The following SSBP4 variants were observed in gnomAD, a reference collection of about 807,000 sequenced individuals.
SSBP4 encodes single-stranded DNA-binding protein 4.
Under a neutral mutation model 64.6 loss-of-function variants are expected in SSBP4, and 33 were observed. That is an observed-to-expected ratio of 0.51 (90% CI 0.39 to 0.68). The LOEUF (loss-of-function observed/expected upper bound fraction) is 0.68, where lower values mean the gene tolerates loss of function less well. SSBP4 is among the 30% of genes least tolerant of loss of function. The pLI is 0.00. For missense variants in SSBP4, 583 were observed against 566.8 expected (o/e 1.03, Z -0.29); for synonymous variants, 243 against 224.0 (o/e 1.08, Z -0.76).
chr19:18,418,267 G>C (rs1442095946), upstream of SSBP4, among the ~76,000 whole-genome samples: 1 of 152,184 alleles, frequency 6.6e-6, no homozygotes. The surrounding 1 kb of genome is among the most constrained non-coding windows in gnomAD (Gnocchi z 6.7). Context: ...GAAAAAAGAG[G>C]AATAGCCGTG....
the SSBP4 span, among the ~76,000 whole-genome samples, chr19:18,406,688 G>A: frequency 5.3e-4 from 81 of 152,070 alleles, 1 homozygote; most frequent in African/African-American, 1.7e-3. Flanking sequence ...AAGTCTGCCC[G>A]CAGGTCCGCT....
At chr19:18,430,991 G>A in intron 5 of SSBP4, 61 bp downstream of exon 5, 1 of 1,571,994 alleles carries the variant, frequency 6.4e-7, no homozygotes, top group Non-Finnish European at 8.6e-7. Flanking sequence ...TTTGAGGGTG[G>A]GGGGGGTCCC....
At position 18,431,205 on chromosome 19, in the gene SSBP4, TGGTGCCTGAGTCCTGCC is replaced by T. The variant is rs1973344941; in HGVS notation, c.370-147_370-131del. The T allele has an allele frequency of 1.2e-4, 30 of 244,440 alleles. 8 individuals carry two copies. Among genetic ancestry groups the T allele is most frequent in the African/African-American group, 7.7e-4 (5 of 6,492 alleles). The allele number at this position is 244,440 out of a possible 1,614,324, so 15.1% of individuals were successfully genotyped here. ...TAGCCACAGTGGTCCTGGTGACCAC[TGGTGCCTGAGTCCTGCC>T]CTCAAGCCTTCCCACAAGGTCCCTG... On this transcript the variant is annotated intron_variant, in intron 5 of 17. Transcript: ENST00000270061.
Position 18,427,853 on chromosome 19 carries a change from T to C in SSBP4, c.194+40T>C, listed in dbSNP as rs1600318200. On this transcript the variant is annotated intron_variant, in intron 3 of 17. Transcript: ENST00000270061. The surrounding 1 kb of genome is among the most constrained non-coding windows in gnomAD (Gnocchi z 4.4). ...GCTGTGGGTGGGCTGTGGAAGGGGG[T>C]TGAGGGAGGCACGTGGAGCAACCAT... 4 of 1,612,580 alleles carry C rather than the reference T, an allele frequency of 2.5e-6. No homozygotes were observed. The Middle Eastern group carries it at 5.0e-4, about 200-fold the overall frequency.
chr19:18,408,667 A>T, the SSBP4 span, among the ~76,000 whole-genome samples: 3 of 151,912 alleles, frequency 2.0e-5, no homozygotes, highest in African/African-American at 7.3e-5. Flanking sequence ...TAATTTTTGT[A>T]TTTTTAGTAG....
At chr19:18,430,732 A>C in intron 4 of SSBP4, 109 bp from the exon 5 acceptor site, 17 of 897,650 alleles carry the variant, frequency 1.9e-5, no homozygotes, top group Non-Finnish European at 2.8e-5. Flanking sequence ...GACCAATGCC[A>C]GCTCGCTGTC....
At chr19:18,419,027 G>A (rs890744637), upstream of SSBP4, 1 of 985,476 alleles carries the variant, frequency 1.0e-6, no homozygotes, top group Non-Finnish European at 1.2e-6. Flanking sequence ...GAGGCTTTAT[G>A]GGGCTATCCG....
the SSBP4 span, among the ~76,000 whole-genome samples, chr19:18,406,578 G>T: frequency 6.6e-6 from 1 of 151,948 alleles, no homozygotes; most frequent in Non-Finnish European, 1.5e-5. Context: ...GGCCCAGGAG[G>T]TCAAGGCTGC....
intron 8 of SSBP4, 64 bp from the exon 9 acceptor site, chr19:18,431,936 C>A (rs1176850185): frequency 6.4e-7 from 1 of 1,561,182 alleles, no homozygotes; most frequent in South Asian, 1.2e-5. Context: ...ACCTTGCTGC[C>A]TCCCCACTGT....
chr19:18,421,376 A>G (rs1380754586), intron 1 of SSBP4, among the ~76,000 whole-genome samples: 2 of 152,028 alleles, frequency 1.3e-5, no homozygotes, highest in East Asian at 3.9e-4. Flanking sequence ...TGCCATGGTC[A>G]CCCCTGGACC....
upstream of SSBP4, among the ~76,000 whole-genome samples, chr19:18,417,535 G>C (rs1235710607): frequency 6.6e-6 from 1 of 152,234 alleles, no homozygotes; most frequent in Non-Finnish European, 1.5e-5. The surrounding 1 kb of genome is among the most constrained non-coding windows in gnomAD (Gnocchi z 5.4). Flanking sequence ...GCGCTGGCGG[G>C]GGCAGTGGTG....
At position 18,426,822 on chromosome 19, in the gene SSBP4, T is replaced by C. The variant is rs1359536525; in HGVS notation, c.60-529T>C. On this transcript the variant is annotated intron_variant, in intron 1 of 17. Coordinates refer to ENST00000270061, the MANE Select transcript of SSBP4 (RefSeq NM_032627.5). This position sits in a 1 kb window ranked among gnomAD's most constrained non-coding sequence, Gnocchi z 4.5. ...GCCCCAGGTTCAGCACTGCCCTGAC[T>C]GGGGACAGTCTGCAGAAAGGGTTGA... 6.6e-6 allele frequency among the ~76,000 whole-genome samples: 1 copy of C among 152,110 alleles called. No individual in the cohort carries two copies. The highest frequency in any genetic ancestry group is 6.5e-5 in the Admixed American group (1 of 15,278).
In SSBP4 at chr19:18,431,899, A is replaced by G. The variant is rs751572767; in HGVS notation, c.565+37A>G. 5 of 1,566,050 alleles carry G rather than the reference A, an allele frequency of 3.2e-6. No individual in the cohort carries two copies. In the South Asian group the frequency reaches 4.6e-5, roughly 14 times the overall value. ...AGCTCCAGCCCCTATCCCGCCATCA[A>G]TCAGAATTCCAGCTCTCAGAGCCCA... is the stretch of plus-strand genomic sequence containing the variant. On this transcript the variant is annotated intron_variant, in intron 8 of 17. Transcript: ENST00000270061.
In SSBP4 at chr19:18,419,674, C is replaced by G; in HGVS notation, c.26C>G (p.Ser9Trp). The G allele has an allele frequency of 3.3e-6, 4 of 1,205,778 alleles. No homozygotes were observed. Among genetic ancestry groups the G allele is most frequent in the Non-Finnish European group, 4.1e-6 (4 of 966,968 alleles). 74.7% of individuals were successfully genotyped at this position (1,205,778 alleles called of 1,614,324 possible). MYAKGGKGSAVPSDSQARE... is the reference protein window; with the variant it reads MYAKGGKGWAVPSDSQARE... ...ATGTACGCCAAGGGGGGCAAGGGTT[C>G]GGCCGTGCCCTCCGACAGCCAGGCC... is the stretch of plus-strand genomic sequence containing the variant. Residue 9 changes from serine (S) to tryptophan (W), a missense_variant, in exon 1 of 18, where the codon TCG becomes TGG. Physicochemically the swap from Ser to Trp is radical, Grantham distance 177 (BLOSUM62 -3). Coordinates refer to ENST00000270061, the MANE Select transcript of SSBP4 (RefSeq NM_032627.5).
rs747774626 is a variant in SSBP4, at chr19:18,432,739, A to T, written c.786+4A>T. ...CTCATCCCCCGGCAGCTACACCGTAAGTCTGAGCAAAGCTGGGTCACCCCT... is the reference window on the plus strand; with the variant it reads ...CTCATCCCCCGGCAGCTACACCGTATGTCTGAGCAAAGCTGGGTCACCCCT... On this transcript the variant is annotated splice_donor_region_variant and intron_variant, in intron 12 of 17. Coordinates refer to ENST00000270061, the MANE Select transcript of SSBP4 (RefSeq NM_032627.5). 5.6e-6 allele frequency: 9 copies of T among 1,603,544 alleles called. No individual in the cohort carries two copies. The South Asian group carries it at 1.0e-4, about 18-fold the overall frequency.
the SSBP4 span, among the ~76,000 whole-genome samples, chr19:18,410,160 AT>A: frequency 0.014 from 2,134 of 151,348 alleles, 50 homozygotes; most frequent in African/African-American, 0.048. Flanking sequence ...CGCCCGGCTA[AT>A]TTTTTTTTGT....
intron 17 of SSBP4, 189 bp from the exon 18 acceptor site, chr19:18,434,028 C>G: frequency 7.7e-7 from 1 of 1,295,028 alleles, no homozygotes; most frequent in Non-Finnish European, 9.8e-7. Context: ...TCCCATCCGC[C>G]CCCACCCCGG....
At chr19:18,406,674 T>G in the SSBP4 span, among the ~76,000 whole-genome samples, 1 of 151,212 alleles carries the variant, frequency 6.6e-6, no homozygotes, top group African/African-American at 2.4e-5. Context: ...AAAAAAAAAA[T>G]ACAAAGTCTG....
At chr19:18,419,100 A>T, upstream of SSBP4, 1 of 985,548 alleles carries the variant, frequency 1.0e-6, no homozygotes. Flanking sequence ...TGTCGCTGCG[A>T]ATGTGTGTGG....
Sources: allele counts gnomAD v4.1 joint callset (sites outside exome capture counted in the v4.1 genomes callset), GRCh38; gene constraint gnomAD v4.1.1; non-coding constraint Gnocchi (gnomAD v3.1); transcripts MANE v1.5; gene names NCBI Gene and HGNC (gene_info 2026-07-23, HGNC 2026-07-21).